Variants in SPOCK2 observed in about 807,000 individuals in gnomAD.
SPOCK2 encodes SPARC (osteonectin), cwcv and kazal like domains proteoglycan 2.
A neutral mutation model predicts 60.1 loss-of-function variants in SPOCK2; 39 were observed. The observed-to-expected ratio is 0.65, with a 90% CI of 0.50 to 0.85. SPOCK2 has a LOEUF of 0.85. SPOCK2 is among the 40% of genes least tolerant of loss of function. The pLI is 0.00. For synonymous variants in SPOCK2, 217 were observed against 231.5 expected (o/e 0.94, Z 0.57); for missense variants, 523 against 567.4 (o/e 0.92, Z 0.80).
intron 1 of SPOCK2, chr10:72,086,516 A>T: frequency 8.9e-7 from 1 of 1,121,222 alleles, no homozygotes; most frequent in Non-Finnish European, 1.1e-6. Context: ...GGCCAGTGAC[A>T]CATGGATTCC....
In SPOCK2 at chr10:72,061,422, G is replaced by A. The variant is rs926372538; in HGVS notation, c.*1338C>T. 1 of 152,662 alleles carries A rather than the reference G, an allele frequency of 6.6e-6. No individual in the cohort carries two copies. The highest frequency in any genetic ancestry group is 1.5e-5 in the Non-Finnish European group (1 of 68,398). 9.5% of individuals were successfully genotyped at this position (152,662 alleles called of 1,614,324 possible). ...CAGAGGGGCCAGAAGGAAGCCCTGG[G>A]GGCTGAGGGAAGTGGGGCTGGACAT... On this transcript the variant is annotated 3_prime_UTR_variant, in exon 11 of 11. Transcript: ENST00000373109.
Position 72,088,172 on chromosome 10 carries a change from C to G in SPOCK2, c.157G>C (p.Gly53Arg). The G allele has an allele frequency of 6.2e-7, 1 of 1,613,172 alleles. No individual in the cohort carries two copies. Among genetic ancestry groups the G allele is most frequent in the Non-Finnish European group, 8.5e-7 (1 of 1,179,702 alleles). Residue 53 changes from glycine (G) to arginine (R), a missense_variant, in exon 1 of 11, where the codon GGC (glycine) becomes CGC (arginine). Transcript: ENST00000373109. Reference protein sequence around the residue: ...QWLSSISQYSGKIKHWNRFRD... With the variant: ...QWLSSISQYSRKIKHWNRFRD... ...AAGCGGTTCCAGTGCTTGATCTTGC[C>G]GCTGTACTGCGAGATGGACGACAGC...
Position 72,063,135 on chromosome 10 carries a change from T to A in SPOCK2, c.1019A>T (p.Asp340Val). 1 of 1,556,980 alleles carries A rather than the reference T, an allele frequency of 6.4e-7. No homozygotes were observed. The highest frequency in any genetic ancestry group is 8.7e-7 in the Non-Finnish European group (1 of 1,149,970). ...ACACTGCATCTTCCGGTAGTAGCCA[T>A]CCTCGTCGCAGCTCGGGATGAAGAT... ...PGIFIPSCDE[D>V]GYYRKMQCDQ... The change falls in exon 10 of 11, where the codon GAT (aspartate) becomes GTT (valine). Residue 340 changes from aspartate to valine, a missense_variant. By Grantham distance (152) the Asp-to-Val change is radical. Coordinates refer to ENST00000373109, the MANE Select transcript of SPOCK2 (RefSeq NM_001244950.2).
intron 1 of SPOCK2, among the ~76,000 whole-genome samples, chr10:72,075,083 G>A (rs891292184): frequency 3.3e-5 from 5 of 152,060 alleles, no homozygotes; most frequent in African/African-American, 4.8e-5. Flanking sequence ...CACTTCCCTC[G>A]TTTGCTAAAA....
At chr10:72,081,106 C>G (rs1383591161) in intron 1 of SPOCK2, among the ~76,000 whole-genome samples, 2 of 152,172 alleles carry the variant, frequency 1.3e-5, no homozygotes. Context: ...AGCTGAGCCA[C>G]AGGCCGTGGT....
chr10:72,076,700 T>C (rs1840719595), intron 1 of SPOCK2, among the ~76,000 whole-genome samples: 1 of 152,204 alleles, frequency 6.6e-6, no homozygotes, highest in Admixed American at 6.5e-5. Context: ...ATTATAGGCG[T>C]GAGCCACTGC....
In SPOCK2 at chr10:72,064,987, C is replaced by T. The variant is rs1165230480; in HGVS notation, c.929-747G>A. ...CCTCATAATCTGCCCGCCTCAGCCC[C>T]GCAAAGTGCTGGGATTACAGGCATG... On this transcript the variant is annotated intron_variant, in intron 8 of 10. Coordinates refer to ENST00000373109, the MANE Select transcript of SPOCK2 (RefSeq NM_001244950.2). Among the ~76,000 whole-genome samples, 6 of 127,274 alleles carry T rather than the reference C, an allele frequency of 4.7e-5. 2 individuals carry two copies. The highest frequency in any genetic ancestry group is 1.1e-4 in the Non-Finnish European group (6 of 53,166). The allele number at this position is 127,274 out of a possible 152,430, so 83.5% of individuals were successfully genotyped here.
At chr10:72,072,688 C>T in intron 2 of SPOCK2, 140 bp from the exon 3 acceptor site, 1 of 1,392,596 alleles carries the variant, frequency 7.2e-7, no homozygotes, top group Non-Finnish European at 1.0e-6. Flanking sequence ...CCCCTGTCCA[C>T]CCAGGCCCTG....
At position 72,068,305 on chromosome 10, in the gene SPOCK2, C is replaced by T. The variant is rs1192435959; in HGVS notation, c.475-4G>A. Reference sequence around the variant, plus strand: ...ACGCCTGTTGCTCCAGCTTACACTGCACATGGGGAAAGGTGGAACAGGGGA... The same window carrying T: ...ACGCCTGTTGCTCCAGCTTACACTGTACATGGGGAAAGGTGGAACAGGGGA... On this transcript the variant is annotated splice_region_variant and splice_polypyrimidine_tract_variant and intron_variant, in intron 5 of 10. Coordinates refer to ENST00000373109, the MANE Select transcript of SPOCK2 (RefSeq NM_001244950.2). 3.1e-6 allele frequency: 5 copies of T among 1,604,792 alleles called. No homozygotes were observed. Among genetic ancestry groups the T allele is most frequent in the African/African-American group, 2.7e-5 (2 of 74,832 alleles).
intron 5 of SPOCK2, 129 bp downstream of exon 5, chr10:72,070,183 C>CTGACCT (rs1840627177): frequency 1.2e-6 from 1 of 819,296 alleles, no homozygotes; most frequent in Non-Finnish European, 1.9e-6. Flanking sequence ...ATTGAACACA[C>CTGACCT]TGACCTTGCC....
At chr10:72,081,978 G>A (rs1840791452) in intron 1 of SPOCK2, among the ~76,000 whole-genome samples, 1 of 152,200 alleles carries the variant, frequency 6.6e-6, no homozygotes, top group Non-Finnish European at 1.5e-5. Context: ...AACACCCCAT[G>A]CAATGCTCTG....
Position 72,087,102 on chromosome 10 carries a change from G to T in SPOCK2, c.189+1038C>A. 8.1e-7 allele frequency: 1 copy of T among 1,238,508 alleles called. No individual in the cohort carries two copies. The highest frequency in any genetic ancestry group is 1.1e-6 in the Non-Finnish European group (1 of 904,434). 76.7% of individuals were successfully genotyped at this position (1,238,508 alleles called of 1,614,324 possible). A position where few individuals can be genotyped will look rare whatever the true frequency, so the allele number is the denominator to read the frequency against. ...GCCGGCGTCGCCTCTGGCGCATCCG[G>T]GCCCATCCCCCACAGCACCCCCAAC... On this transcript the variant is annotated intron_variant, in intron 1 of 10. Coordinates refer to ENST00000373109, the MANE Select transcript of SPOCK2 (RefSeq NM_001244950.2). This position sits in a 1 kb window ranked among gnomAD's most constrained non-coding sequence, Gnocchi z 4.7.
chr10:72,088,834 G>A (rs1431732377), upstream of SPOCK2: 1 of 152,600 alleles, frequency 6.6e-6, no homozygotes, highest in South Asian at 2.1e-4. Context: ...AAGATGGGAT[G>A]GGGGAGAGGG....
rs1458171886 is a variant in SPOCK2, at chr10:72,087,337, T to C, written c.189+803A>G. Among the ~76,000 whole-genome samples the C allele has an allele frequency of 1.3e-5, 2 of 151,698 alleles. No homozygotes were observed. Among genetic ancestry groups the C allele is most frequent in the Non-Finnish European group, 2.9e-5 (2 of 67,892 alleles). ...GTTCGGCCCAAGGTTACGCCGGGGT[T>C]CGGGCGGCGCCCGCCGGGGGCCCCC... On this transcript the variant is annotated intron_variant, in intron 1 of 10. Transcript: ENST00000373109. This position sits in a 1 kb window ranked among gnomAD's most constrained non-coding sequence, Gnocchi z 4.7.
chr10:72,082,840 T>C (rs1840804235), intron 1 of SPOCK2, among the ~76,000 whole-genome samples: 1 of 113,940 alleles, frequency 8.8e-6, no homozygotes, highest in Non-Finnish European at 1.7e-5. Context: ...GGTGACAGAG[T>C]GAGACCCTGT....
chr10:72,064,068 C>T, intron 9 of SPOCK2, 110 bp downstream of exon 9: 1 of 1,422,170 alleles, frequency 7.0e-7, no homozygotes, highest in Non-Finnish European at 9.6e-7. Context: ...CCAGGGCCTC[C>T]TCTGGGCTCC....
Position 72,072,193 on chromosome 10 carries a change from G to A in SPOCK2, c.310C>T (p.Gln104Ter). 1 of 1,559,920 alleles carries A rather than the reference G, an allele frequency of 6.4e-7. No individual in the cohort carries two copies. The highest frequency in any genetic ancestry group is 8.7e-7 in the Non-Finnish European group (1 of 1,152,296). ...ATGCACATGGCCCGCTGGTAGCCCT[G>A]GGCAATGCACACCTTGTGGCGGCTG... ...KCSRHKVCIA[Q>*]GYQRAMCISR... The change falls in exon 4 of 11, where the codon CAG becomes TAG. Residue 104 changes from glutamine to a stop codon, truncating the protein, a stop_gained. Coordinates refer to ENST00000373109, the MANE Select transcript of SPOCK2 (RefSeq NM_001244950.2). LOFTEE classifies it high-confidence loss of function.
intron 5 of SPOCK2, among the ~76,000 whole-genome samples, chr10:72,069,738 G>A (rs1050706702): frequency 1.2e-4 from 18 of 152,110 alleles, no homozygotes; most frequent in African/African-American, 3.9e-4. Flanking sequence ...GATTGCAGGC[G>A]TGAGCCACCG....
chr10:72,063,160 T>C lies in SPOCK2; in HGVS notation c.994A>G (p.Ile332Val). 2 of 1,556,592 alleles carry C rather than the reference T, an allele frequency of 1.3e-6. No homozygotes were observed. The highest frequency in any genetic ancestry group is 1.7e-6 in the Non-Finnish European group (2 of 1,149,700). The change falls in exon 10 of 11, where the codon ATC becomes GTC. Residue 332 changes from isoleucine to valine, a missense_variant and splice_region_variant. By Grantham distance (29) the Ile-to-Val change is conservative. Coordinates refer to ENST00000373109, the MANE Select transcript of SPOCK2 (RefSeq NM_001244950.2). ...IQEAAKKKPG[I>V]FIPSCDEDGY... is the part of the protein sequence containing the mutation. ...TCCTCGTCGCAGCTCGGGATGAAGATGCCTGAATGAGACAGTGCCAGGCAG... is the reference window on the plus strand; with the variant it reads ...TCCTCGTCGCAGCTCGGGATGAAGACGCCTGAATGAGACAGTGCCAGGCAG...
Sources: allele counts gnomAD v4.1 joint callset (sites outside exome capture counted in the v4.1 genomes callset), GRCh38; gene constraint gnomAD v4.1.1; non-coding constraint Gnocchi (gnomAD v3.1); transcripts MANE v1.5; gene names NCBI Gene and HGNC (gene_info 2026-07-23, HGNC 2026-07-21).